PTPRD: variants seen among roughly 807,000 people sequenced by gnomAD.
PTPRD encodes receptor-type tyrosine-protein phosphatase delta.
Under a neutral mutation model 214.5 loss-of-function variants are expected in PTPRD, and 34 were observed. The ratio of observed to expected loss-of-function variants is 0.16; its 90% CI spans 0.12 to 0.21. PTPRD has a LOEUF of 0.21. Ranked by LOEUF, PTPRD falls within the 10% of genes least tolerant of loss-of-function variation. The pLI, the probability that PTPRD is intolerant of heterozygous loss-of-function variation, is 1.00. For synonymous variants in PTPRD, 1,128 were observed against 845.7 expected (o/e 1.33, Z -5.79); for missense variants, 2,545 against 2,398.7 (o/e 1.06, Z -1.27).
intron 3 of PTPRD, among the ~76,000 whole-genome samples, chr9:10,167,816 G>C (rs895544568): frequency 1.3e-5 from 2 of 152,138 alleles, no homozygotes; most frequent in African/African-American, 4.8e-5. Flanking sequence ...AGCTGTAAGA[G>C]TTGATACTGT....
intron 10 of PTPRD, among the ~76,000 whole-genome samples, chr9:9,125,750 A>C (rs1024976974): frequency 3.3e-5 from 5 of 152,224 alleles, no homozygotes; most frequent in Non-Finnish European, 7.3e-5. Flanking sequence ...GAAATAAAAA[A>C]TCCATGCCCT....
chr9:9,924,777 C>T (rs7849606), intron 5 of PTPRD, among the ~76,000 whole-genome samples: 85,806 of 151,866 alleles, frequency 0.57, 27,124 homozygotes, highest in East Asian at 0.89. Flanking sequence ...TTGACAGATA[C>T]TTGAAAGCTA....
rs1229049663 is a variant in PTPRD at position 9,900,347 on chromosome 9, C to A, written c.-368+38160G>T. The stretch of plus-strand genomic sequence containing the variant: ...TTCTATCAGATATGCTAAATAATCA[C>A]CCTTAAGTTCAAACTTTCACAAATT... On this transcript the variant is annotated intron_variant, in intron 5 of 45. Transcript: ENST00000381196. 5.3e-5 allele frequency among the ~76,000 whole-genome samples: 8 copies of A among 152,318 alleles called. No homozygotes were observed. The South Asian group carries it at 1.7e-3, about 32-fold the overall frequency.
At chr9:10,360,796 AG>A in intron 2 of PTPRD, among the ~76,000 whole-genome samples, 1 of 152,152 alleles carries the variant, frequency 6.6e-6, no homozygotes, top group East Asian at 1.9e-4. Flanking sequence ...ATCTCATTAA[AG>A]GGTCCTGTAA....
chr9:9,315,026 C>T (rs1008040370), intron 9 of PTPRD, among the ~76,000 whole-genome samples: 1 of 151,946 alleles, frequency 6.6e-6, no homozygotes, highest in African/African-American at 2.4e-5. Flanking sequence ...ATACAACTCA[C>T]CTAGATTTTA....
rs76185784 is a variant in PTPRD, at chr9:8,621,478, G to A, written c.352+11839C>T. On this transcript the variant is annotated intron_variant, in intron 14 of 45. Coordinates refer to ENST00000381196, the MANE Select transcript of PTPRD (RefSeq NM_002839.4). ...GAAAAGATTGGCTCAAACCCCAGTC[G>A]TACTGGGCAAAACCCCAGTCCTACT... is the stretch of plus-strand genomic sequence containing the variant. Among the ~76,000 whole-genome samples the A allele has an allele frequency of 4.8e-3, 725 of 151,876 alleles. 6 individuals are homozygous for A. The highest frequency in any genetic ancestry group is 0.044 in the East Asian group (224 of 5,132).
At chr9:8,471,420 C>G (rs2096650617) in intron 30 of PTPRD, among the ~76,000 whole-genome samples, 1 of 152,136 alleles carries the variant, frequency 6.6e-6, no homozygotes, top group African/African-American at 2.4e-5. Context: ...CCACCACAAG[C>G]TGCTGAACCA....
At chr9:10,428,346 T>C (rs2098644697) in intron 2 of PTPRD, among the ~76,000 whole-genome samples, 1 of 152,134 alleles carries the variant, frequency 6.6e-6, no homozygotes, top group African/African-American at 2.4e-5. Context: ...CTTTTATTTC[T>C]TTATAATGCC....
chr9:10,314,393 T>C (rs544277489), intron 3 of PTPRD, among the ~76,000 whole-genome samples: 2 of 151,988 alleles, frequency 1.3e-5, no homozygotes, highest in East Asian at 3.9e-4. Flanking sequence ...GAAGATGACT[T>C]TGGGATTTTG....
rs190741814 is a variant in PTPRD at position 8,823,787 on chromosome 9, G to A, written c.-103-89841C>T. Among the ~76,000 whole-genome samples the A allele has an allele frequency of 1.1e-4, 17 of 152,292 alleles. No homozygotes were observed. The East Asian group carries it at 2.5e-3, about 22-fold the overall frequency. Reference sequence around the variant, plus strand: ...AAGGGAGGGTTATTGGATTTTGCGCGAGAAAAGATTAACGGTGAGTTTGCA... The same window carrying A: ...AAGGGAGGGTTATTGGATTTTGCGCAAGAAAAGATTAACGGTGAGTTTGCA... On this transcript the variant is annotated intron_variant, in intron 11 of 45. Transcript: ENST00000381196.
chr9:10,512,036 A>ATATATATATACGTGTGTG (rs2048441534), intron 2 of PTPRD, among the ~76,000 whole-genome samples: 1 of 129,438 alleles, frequency 7.7e-6, no homozygotes. Flanking sequence ...ATATGTATAT[A>ATATATATATACGTGTGTG]TATATATACA....
chr9:9,936,587 G>A (rs1430306922), intron 5 of PTPRD, among the ~76,000 whole-genome samples: 2 of 137,110 alleles, frequency 1.5e-5, no homozygotes, highest in Non-Finnish European at 3.0e-5. Context: ...AGGTGCTGGA[G>A]AGGATGTGGA....
chr9:8,964,237 T>C (rs367661954), intron 11 of PTPRD, among the ~76,000 whole-genome samples: 39 of 130,172 alleles, frequency 3.0e-4, no homozygotes, highest in African/African-American at 1.1e-3. Context: ...ATTTTGGAAC[T>C]TGATGTTGGT....
Position 8,606,924 on chromosome 9 carries a change from T to C in PTPRD, c.352+26393A>G, listed in dbSNP as rs1280078042. ...ATCTCTCTCTGTAGAAGCAGGACAA[T>C]AGTCTTAGGTAAAGAAAACCTTACT... On this transcript the variant is annotated intron_variant, in intron 14 of 45. Transcript: ENST00000381196. Among the ~76,000 whole-genome samples the C allele has an allele frequency of 3.3e-5, 5 of 152,154 alleles. No homozygotes were observed. In the East Asian group the frequency reaches 7.7e-4, roughly 24 times the overall value.
intron 10 of PTPRD, among the ~76,000 whole-genome samples, chr9:9,180,795 T>C (rs2099927757): frequency 6.6e-6 from 1 of 152,082 alleles, no homozygotes; most frequent in Admixed American, 6.6e-5. Context: ...TCTAATACCC[T>C]AAATAAAGTG....
At chr9:8,563,319 T>C (rs574463487) in intron 14 of PTPRD, among the ~76,000 whole-genome samples, 7 of 152,274 alleles carry the variant, frequency 4.6e-5, no homozygotes, top group African/African-American at 1.7e-4. Flanking sequence ...TATCAGACTG[T>C]ATGTTTTAGA....
At chr9:9,513,646 A>G (rs1304803637) in intron 8 of PTPRD, among the ~76,000 whole-genome samples, 1 of 151,836 alleles carries the variant, frequency 6.6e-6, no homozygotes, top group Non-Finnish European at 1.5e-5. Flanking sequence ...ACTTTCCTGA[A>G]TATTCTTCTC....
intron 7 of PTPRD, among the ~76,000 whole-genome samples, chr9:9,676,468 A>G (rs969254334): frequency 6.6e-6 from 1 of 151,898 alleles, no homozygotes; most frequent in Admixed American, 6.6e-5. Context: ...ATCATTTTTT[A>G]TGGCTGCATA....
intron 10 of PTPRD, among the ~76,000 whole-genome samples, chr9:9,112,918 A>T (rs1233207821): frequency 6.6e-6 from 1 of 151,880 alleles, no homozygotes; most frequent in Non-Finnish European, 1.5e-5. Flanking sequence ...TCTTTCTCTG[A>T]TAAGATCACA....
Sources: gnomAD v4.1 joint callset for allele counts (sites outside exome capture counted in the v4.1 genomes callset) on GRCh38, gnomAD v4.1.1 for gene constraint, MANE v1.5 for transcripts, NCBI Gene and HGNC (gene_info 2026-07-23, HGNC 2026-07-21) for gene names.